GRM7: variants seen among roughly 807,000 people sequenced by gnomAD.
GRM7 encodes metabotropic glutamate receptor 7.
Under a neutral mutation model 84.5 loss-of-function variants are expected in GRM7, and 35 were observed. The observed-to-expected ratio is 0.41, with a 90% CI of 0.32 to 0.55. The LOEUF is 0.55. Ranked by LOEUF, GRM7 falls within the 20% of genes least tolerant of loss-of-function variation. The pLI is 0.19. For synonymous variants in GRM7, 487 were observed against 455.1 expected (o/e 1.07, Z -0.89); for missense variants, 1,003 against 1,194.6 (o/e 0.84, Z 2.36).
At chr3:7,371,106 C>T (rs1281577109) in intron 4 of GRM7, among the ~76,000 whole-genome samples, 2 of 152,074 alleles carry the variant, frequency 1.3e-5, no homozygotes, top group Non-Finnish European at 2.9e-5. Context: ...TAGGTCACTG[C>T]CCAGGCTATA....
At chr3:6,941,737 C>T (rs1465529248) in intron 1 of GRM7, among the ~76,000 whole-genome samples, 2 of 152,086 alleles carry the variant, frequency 1.3e-5, no homozygotes, top group African/African-American at 4.8e-5. Flanking sequence ...TTCATTTGTA[C>T]TTGCATTCTT....
chr3:7,262,728 G>A (rs534304597), intron 2 of GRM7, among the ~76,000 whole-genome samples: 1,189 of 2,504 alleles, frequency 0.47, 12 homozygotes, highest in Middle Eastern at 0.5. Context: ...ATGGAGTCTC[G>A]CTTTGTCACA....
intron 8 of GRM7, among the ~76,000 whole-genome samples, chr3:7,585,656 C>T (rs1365594165): frequency 5.9e-5 from 9 of 152,124 alleles, no homozygotes; most frequent in Non-Finnish European, 5.9e-5. Context: ...GTGGAGAGCT[C>T]CCTGGAGCTC....
At chr3:6,942,155 T>A (rs1310938401) in intron 1 of GRM7, among the ~76,000 whole-genome samples, 1 of 150,662 alleles carries the variant, frequency 6.6e-6, no homozygotes, top group Non-Finnish European at 1.5e-5. Context: ...TTTTTTTTTA[T>A]TATCCCTCCC....
chr3:6,947,593 C>G (rs547865627), intron 1 of GRM7, among the ~76,000 whole-genome samples: 4 of 152,174 alleles, frequency 2.6e-5, no homozygotes, highest in Admixed American at 6.5e-5. Context: ...AGGATTCCCT[C>G]TTTTTCTATT....
At chr3:6,898,320 G>T (rs2124998889) in intron 1 of GRM7, among the ~76,000 whole-genome samples, 1 of 150,544 alleles carries the variant, frequency 6.6e-6, no homozygotes, top group South Asian at 2.1e-4. Context: ...GGGTTTTAAT[G>T]ATGACTATGA....
intron 1 of GRM7, among the ~76,000 whole-genome samples, chr3:6,880,491 G>C (rs549846054): frequency 4.6e-5 from 7 of 152,258 alleles, no homozygotes; most frequent in African/African-American, 1.7e-4. Context: ...AGTGGACAGA[G>C]AATTCTTATG....
intron 7 of GRM7, among the ~76,000 whole-genome samples, chr3:7,465,759 C>A (rs1190917572): frequency 1.3e-5 from 2 of 152,098 alleles, no homozygotes; most frequent in Admixed American, 6.6e-5. Context: ...GGGCGGCTTT[C>A]TCTGTGGTCA....
intron 8 of GRM7, among the ~76,000 whole-genome samples, chr3:7,612,171 G>A (rs1293795718): frequency 2.0e-5 from 3 of 152,146 alleles, no homozygotes; most frequent in Non-Finnish European, 4.4e-5. Flanking sequence ...TAGGAGCATG[G>A]ATGCCAGAGC....
At chr3:7,528,448 G>T (rs544677220) in intron 7 of GRM7, among the ~76,000 whole-genome samples, 8 of 151,968 alleles carry the variant, frequency 5.3e-5, no homozygotes, top group African/African-American at 1.4e-4. Context: ...TATTGATATT[G>T]CTTACACTTT....
In GRM7 at chr3:7,520,582, G is replaced by A. The variant is rs1001528617; in HGVS notation, c.1516-57840G>A. Reference sequence around the variant, plus strand: ...GATAAAATACCTAAAACTCAGAACTGACTCTAACACAAGTTCACATTCTAC... The same window carrying A: ...GATAAAATACCTAAAACTCAGAACTAACTCTAACACAAGTTCACATTCTAC... On this transcript the variant is annotated intron_variant, in intron 7 of 9. Coordinates refer to ENST00000357716, the MANE Select transcript of GRM7 (RefSeq NM_000844.4). Among the ~76,000 whole-genome samples, 4 of 151,932 alleles carry A rather than the reference G, an allele frequency of 2.6e-5. No individual in the cohort carries two copies. In the South Asian group the frequency reaches 8.3e-4, roughly 32 times the overall value.
At chr3:7,050,700 A>G (rs1263179541) in intron 1 of GRM7, among the ~76,000 whole-genome samples, 1 of 151,982 alleles carries the variant, frequency 6.6e-6, no homozygotes, top group Non-Finnish European at 1.5e-5. Context: ...TCCAATTGAC[A>G]ATACAGGTAA....
chr3:7,550,030 TACC>T (rs1455410449), intron 7 of GRM7, among the ~76,000 whole-genome samples: 1 of 152,202 alleles, frequency 6.6e-6, no homozygotes, highest in Non-Finnish European at 1.5e-5. Flanking sequence ...TTTGGATTTT[TACC>T]ACCATCATCC....
chr3:6,865,671 G>A (rs537352900), intron 1 of GRM7, among the ~76,000 whole-genome samples: 47 of 151,984 alleles, frequency 3.1e-4, no homozygotes, highest in African/African-American at 1.1e-3. Flanking sequence ...TTTAGTAAAT[G>A]TGTCAATGTT....
chr3:7,218,251 TA>T (rs1696680504), intron 2 of GRM7, among the ~76,000 whole-genome samples: 1 of 152,182 alleles, frequency 6.6e-6, no homozygotes, highest in African/African-American at 2.4e-5. Context: ...ACTTACTGAC[TA>T]AATGGTGTAC....
chr3:7,415,009 T>C lies in GRM7; in HGVS notation c.1034-14T>C. Reference sequence around the variant, plus strand: ...GCCCCGCAAGCAATGACCTTTTCATTTAACTCTGTTTAGGGTTTGATGCCT... The same window carrying C: ...GCCCCGCAAGCAATGACCTTTTCATCTAACTCTGTTTAGGGTTTGATGCCT... On this transcript the variant is annotated splice_polypyrimidine_tract_variant and intron_variant, in intron 4 of 9. Coordinates refer to ENST00000357716, the MANE Select transcript of GRM7 (RefSeq NM_000844.4). 6.2e-7 allele frequency: 1 copy of C among 1,603,828 alleles called. No homozygotes were observed. The highest frequency in any genetic ancestry group is 8.5e-7 in the Non-Finnish European group (1 of 1,174,034).
At chr3:7,286,890 A>T (rs1458480175) in intron 2 of GRM7, among the ~76,000 whole-genome samples, 1 of 152,182 alleles carries the variant, frequency 6.6e-6, no homozygotes, top group Non-Finnish European at 1.5e-5. Context: ...CACAAAAGAC[A>T]AATATATTTG....
intron 1 of GRM7, among the ~76,000 whole-genome samples, chr3:7,015,112 G>A (rs1442205664): frequency 6.6e-6 from 1 of 151,926 alleles, no homozygotes; most frequent in Non-Finnish European, 1.5e-5. Flanking sequence ...GACAAATAAG[G>A]GAATAAAGCT....
chr3:7,414,724 AG>A, intron 4 of GRM7, among the ~76,000 whole-genome samples: 1 of 152,256 alleles, frequency 6.6e-6, no homozygotes, highest in African/African-American at 2.4e-5. Context: ...TTAGGGATGC[AG>A]AATGTGGCAT....
Sources: allele counts gnomAD v4.1 joint callset (sites outside exome capture counted in the v4.1 genomes callset), GRCh38; gene constraint gnomAD v4.1.1; transcripts MANE v1.5; gene names NCBI Gene and HGNC (gene_info 2026-07-23, HGNC 2026-07-21).